Variants in ACSS2 observed in about 807,000 individuals in gnomAD.
The protein encoded by ACSS2 is acetyl-coenzyme A synthetase, cytoplasmic.
ACSS2 carries 58 observed loss-of-function variants against 90.6 expected under a neutral mutation model. The ratio of observed to expected loss-of-function variants is 0.64; its 90% CI spans 0.52 to 0.80. The LOEUF (loss-of-function observed/expected upper bound fraction) is 0.80, where lower values mean the gene tolerates loss of function less well. ACSS2 is among the 30% of genes least tolerant of loss of function. The pLI, the probability that ACSS2 is intolerant of heterozygous loss-of-function variation, is 0.00. For synonymous variants in ACSS2, 300 were observed against 330.9 expected, an observed-to-expected ratio of 0.91 and a Z score of 1.01; for missense variants, 759 against 912.0, an observed-to-expected ratio of 0.83 and a Z score of 2.16.
intron 2 of ACSS2, among the ~76,000 whole-genome samples, chr20:34,883,876 G>A (rs551179547): frequency 2.6e-5 from 4 of 152,126 alleles, no homozygotes; most frequent in Non-Finnish European, 5.9e-5. Flanking sequence ...TCCAATAATT[G>A]GGGTGTTGCT....
At chr20:34,914,772 T>C (rs948155633) in intron 7 of ACSS2, among the ~76,000 whole-genome samples, 2 of 152,212 alleles carry the variant, frequency 1.3e-5, no homozygotes. Context: ...GTCATCTCCA[T>C]TACTAGGCTG....
intron 2 of ACSS2, among the ~76,000 whole-genome samples, chr20:34,896,694 A>C (rs531196917): frequency 6.6e-6 from 1 of 152,374 alleles, no homozygotes; most frequent in South Asian, 2.1e-4. Flanking sequence ...TGAGGGAAAC[A>C]GATGTCTACA....
chr20:34,899,813 A>G (rs1012792257), intron 2 of ACSS2, among the ~76,000 whole-genome samples: 1 of 151,874 alleles, frequency 6.6e-6, no homozygotes, highest in African/African-American at 2.4e-5. Context: ...TCATTCCTCA[A>G]TTGGTGGACA....
At chr20:34,899,491 T>C (rs1444071379) in intron 2 of ACSS2, among the ~76,000 whole-genome samples, 1 of 144,862 alleles carries the variant, frequency 6.9e-6, no homozygotes, top group African/African-American at 2.6e-5. Context: ...CTTTTCTTTC[T>C]TTTTTGTTTT....
chr20:34,876,844 G>A lies in ACSS2; in HGVS notation c.178+21G>A, dbSNP rs1471216062. The A allele has an allele frequency of 1.0e-5, 13 of 1,270,834 alleles. No individual in the cohort carries two copies. In the East Asian group the frequency reaches 3.1e-4, roughly 31 times the overall value. 78.7% of individuals were successfully genotyped at this position (1,270,834 alleles called of 1,614,324 possible). Reference sequence around the variant, plus strand: ...GCGGGGTGAGGCCCGGCCCGGGCGGGCCTGGGGTGTCAGTGAGGAGAAGAG... The same window carrying A: ...GCGGGGTGAGGCCCGGCCCGGGCGGACCTGGGGTGTCAGTGAGGAGAAGAG... On this transcript the variant is annotated intron_variant, in intron 1 of 17. Transcript: ENST00000360596.
intron 2 of ACSS2, chr20:34,909,075 G>A (rs1303482166): frequency 1.1e-5 from 4 of 351,978 alleles, no homozygotes; most frequent in Non-Finnish European, 2.2e-5. Context: ...GCTTGGCACC[G>A]TGGCTCACAC....
chr20:34,905,908 G>A (rs1212725855), intron 2 of ACSS2, among the ~76,000 whole-genome samples: 1 of 152,242 alleles, frequency 6.6e-6, no homozygotes, highest in East Asian at 1.9e-4. Flanking sequence ...AGCTCCTGGT[G>A]TAGAGGAAAG....
intron 2 of ACSS2, among the ~76,000 whole-genome samples, chr20:34,887,939 G>A (rs760263784): frequency 3.5e-5 from 5 of 141,536 alleles, no homozygotes; most frequent in Non-Finnish European, 7.7e-5. Flanking sequence ...GTGTGGTGGC[G>A]CACTCCTGTA....
intron 2 of ACSS2, among the ~76,000 whole-genome samples, chr20:34,888,118 A>C (rs1014476405): frequency 6.6e-6 from 1 of 151,192 alleles, no homozygotes; most frequent in Non-Finnish European, 1.5e-5. Context: ...GCCAAACTGC[A>C]AAGAGCTACT....
intron 2 of ACSS2, among the ~76,000 whole-genome samples, chr20:34,909,394 AAG>A (rs1027830855): frequency 2.0e-5 from 3 of 152,064 alleles, no homozygotes; most frequent in Non-Finnish European, 4.4e-5. Flanking sequence ...ACAAATAAAA[AAG>A]AGAAATAGTT....
intron 2 of ACSS2, among the ~76,000 whole-genome samples, chr20:34,904,518 C>G (rs1442001110): frequency 6.6e-6 from 1 of 152,098 alleles, no homozygotes; most frequent in Non-Finnish European, 1.5e-5. Context: ...AGGACTTTGA[C>G]TTTTACTCAA....
intron 13 of ACSS2, 152 bp downstream of exon 13, chr20:34,922,018 G>A (rs1173874019): frequency 2.8e-6 from 4 of 1,430,112 alleles, no homozygotes; most frequent in Non-Finnish European, 3.7e-6. Flanking sequence ...GACCCTGGAG[G>A]GGACCCTCGA....
intron 4 of ACSS2, 78 bp downstream of exon 4, chr20:34,913,574 G>A: frequency 7.0e-7 from 1 of 1,420,158 alleles, no homozygotes; most frequent in Non-Finnish European, 9.8e-7. Context: ...AGATGATGGA[G>A]GGTCTTAAAT....
chr20:34,887,547 C>T (rs978372662), intron 2 of ACSS2, among the ~76,000 whole-genome samples: 7 of 152,238 alleles, frequency 4.6e-5, no homozygotes, highest in African/African-American at 1.2e-4. Context: ...CGAGACCAGC[C>T]TGGCCAACAT....
chr20:34,917,746 GT>G (rs2081105724), intron 7 of ACSS2, among the ~76,000 whole-genome samples: 1 of 150,062 alleles, frequency 6.7e-6, no homozygotes, highest in African/African-American at 2.4e-5. Flanking sequence ...TTTTTTTGTT[GT>G]TTTTGTTTTT....
At chr20:34,909,174 ATAG>A (rs1044228796) in intron 2 of ACSS2, among the ~76,000 whole-genome samples, 4 of 145,058 alleles carry the variant, frequency 2.8e-5, no homozygotes, top group African/African-American at 1.0e-4. Context: ...CCTGAGCAAC[ATAG>A]TAGGATCCTG....
chr20:34,917,546 C>G (rs150446889), intron 7 of ACSS2, among the ~76,000 whole-genome samples: 4 of 152,162 alleles, frequency 2.6e-5, no homozygotes, highest in Non-Finnish European at 4.4e-5. Context: ...GTTTTTTTAA[C>G]CAAATATGCA....
chr20:34,901,175 A>G (rs1473303347), intron 2 of ACSS2, among the ~76,000 whole-genome samples: 1 of 152,186 alleles, frequency 6.6e-6, no homozygotes, highest in Non-Finnish European at 1.5e-5. Context: ...ATCACTTTCT[A>G]TTTCTGTGCC....
intron 2 of ACSS2, among the ~76,000 whole-genome samples, chr20:34,900,100 A>G (rs1285271806): frequency 1.3e-5 from 2 of 148,542 alleles, no homozygotes; most frequent in Non-Finnish European, 3.0e-5. Flanking sequence ...GATTATGGCC[A>G]TCTTAGTGAG....
Sources: gnomAD v4.1 joint callset for allele counts (sites outside exome capture counted in the v4.1 genomes callset) on GRCh38, gnomAD v4.1.1 for gene constraint, MANE v1.5 for transcripts, NCBI Gene and HGNC (gene_info 2026-07-23, HGNC 2026-07-21) for gene names.